The following PPP1CC variants were observed in gnomAD, a reference collection of about 807,000 sequenced individuals.
PPP1CC encodes the protein serine/threonine-protein phosphatase PP1-gamma catalytic subunit.
PPP1CC carries 16 observed loss-of-function variants against 38.4 expected under a neutral mutation model. The ratio of observed to expected loss-of-function variants is 0.42; its 90% CI spans 0.28 to 0.63. The LOEUF is 0.63. Among genes scored for constraint, PPP1CC ranks in the 30% least tolerant of loss-of-function variants. The pLI is 0.25. For missense variants in PPP1CC, 170 were observed against 391.3 expected (o/e 0.43, Z 4.77); for synonymous variants, 158 against 136.0 (o/e 1.16, Z -1.13).
intron 1 of PPP1CC, chr12:110,732,414 GAAAGAAAAGA>G (rs145858552): frequency 1.9e-5 from 3 of 155,808 alleles, no homozygotes; most frequent in South Asian, 2.1e-4. Flanking sequence ...AAAAGAAAAG[GAAAGAAAAGA>G]AAAGAAAAGA....
chr12:110,720,201 G>T lies in PPP1CC; in HGVS notation c.*875C>A. On this transcript the variant is annotated 3_prime_UTR_variant, in exon 7 of 7. Transcript: ENST00000335007. Reference sequence around the variant, plus strand: ...CTGAATGGACGGGTTCAGGCCTGATGCAACTGTAAAAAGATTACTTAATGA... The same window carrying T: ...CTGAATGGACGGGTTCAGGCCTGATTCAACTGTAAAAAGATTACTTAATGA... 6.5e-7 allele frequency: 1 copy of T among 1,549,222 alleles called. No homozygotes were observed. Among genetic ancestry groups the T allele is most frequent in the Non-Finnish European group, 8.7e-7 (1 of 1,152,672 alleles).
chr12:110,719,710 G>A lies in PPP1CC; in HGVS notation c.*1366C>T, dbSNP rs1050993102. ...ACCTCATCACTCTATTACACAAATA[G>A]ATGTCTCCAGGTTACAACTCAAAGA... is the stretch of plus-strand genomic sequence containing the variant. On this transcript the variant is annotated 3_prime_UTR_variant, in exon 7 of 7. Transcript: ENST00000335007. The A allele has an allele frequency of 6.3e-6, 1 of 158,480 alleles. No individual in the cohort carries two copies. Among genetic ancestry groups the A allele is most frequent in the African/African-American group, 2.4e-5 (1 of 41,564 alleles). 9.8% of individuals were successfully genotyped at this position (158,480 alleles called of 1,614,324 possible). A position where few individuals can be genotyped will look rare whatever the true frequency, so the allele number is the denominator to read the frequency against.
intron 1 of PPP1CC, among the ~76,000 whole-genome samples, chr12:110,736,579 T>C (rs1484999931): frequency 6.6e-6 from 1 of 152,006 alleles, no homozygotes; most frequent in East Asian, 1.9e-4. Flanking sequence ...GGGAGACAGA[T>C]GCTGCATTGA....
intron 1 of PPP1CC, among the ~76,000 whole-genome samples, chr12:110,735,573 G>A (rs1242541857): frequency 6.6e-6 from 1 of 152,064 alleles, no homozygotes; most frequent in African/African-American, 2.4e-5. Context: ...CCTGAGGTTA[G>A]GAGTTCGAGA....
At chr12:110,742,315 T>C (rs1421264922) in intron 1 of PPP1CC, among the ~76,000 whole-genome samples, 1 of 151,420 alleles carries the variant, frequency 6.6e-6, no homozygotes, top group Non-Finnish European at 1.5e-5. Flanking sequence ...TCCCCAACCA[T>C]CGCTCCAAAG....
chr12:110,741,929 C>T (rs532338064), intron 1 of PPP1CC, among the ~76,000 whole-genome samples: 1 of 152,140 alleles, frequency 6.6e-6, no homozygotes, highest in Non-Finnish European at 1.5e-5. Context: ...AATTCATGGA[C>T]GCAAAGTGCT....
In PPP1CC at chr12:110,722,771, T is replaced by C; in HGVS notation, c.524-76A>G. The stretch of plus-strand genomic sequence containing the variant: ...ATACTACCCCTTCAAAAGTTCCATT[T>C]GTCTACAGAGAAATTCAATAATCCT... On this transcript the variant is annotated intron_variant, in intron 4 of 6. Transcript: ENST00000335007. The surrounding 1 kb of genome is among the most constrained non-coding windows in gnomAD (Gnocchi z 5.4). 2 of 1,072,518 alleles carry C rather than the reference T, an allele frequency of 1.9e-6. No individual in the cohort carries two copies. Among genetic ancestry groups the C allele is most frequent in the East Asian group, 5.1e-5 (2 of 39,518 alleles). 66.4% of individuals were successfully genotyped at this position (1,072,518 alleles called of 1,614,324 possible).
At position 110,720,861 on chromosome 12, in the gene PPP1CC, G is replaced by T. The variant is rs190349752; in HGVS notation, c.*215C>A. Reference sequence around the variant, plus strand: ...TAAAATTGTTTGCAAAAGGAACAGAGAATTAAAAAACAAAACACTTTTCTT... The same window carrying T: ...TAAAATTGTTTGCAAAAGGAACAGATAATTAAAAAACAAAACACTTTTCTT... On this transcript the variant is annotated 3_prime_UTR_variant, in exon 7 of 7. Coordinates refer to ENST00000335007, the MANE Select transcript of PPP1CC (RefSeq NM_002710.4). The T allele has an allele frequency of 1.5e-4, 67 of 441,486 alleles. No homozygotes were observed. The highest frequency in any genetic ancestry group is 1.6e-4 in the African/African-American group (8 of 50,288). The allele number at this position is 441,486 out of a possible 1,614,324, so 27.3% of individuals were successfully genotyped here.
At chr12:110,739,620 A>G (rs1593587302) in intron 1 of PPP1CC, among the ~76,000 whole-genome samples, 1 of 152,236 alleles carries the variant, frequency 6.6e-6, no homozygotes, top group Non-Finnish European at 1.5e-5. Flanking sequence ...GGCAGAGATC[A>G]TATTTAAATC....
intron 3 of PPP1CC, among the ~76,000 whole-genome samples, chr12:110,728,408 A>ACAAAAAAC (rs200417103): frequency 4.4e-4 from 66 of 148,556 alleles, no homozygotes; most frequent in Middle Eastern, 3.5e-3. Context: ...AAAAAAAAAA[A>ACAAAAAAC]AAAAAACAAA....
In PPP1CC at chr12:110,720,401, C is replaced by A; in HGVS notation, c.*675G>T. ...CTTAGGGGTGTGTCAAAACATAATT[C>A]AACAGAAACTTTGGCTTTAGGAAAG... On this transcript the variant is annotated 3_prime_UTR_variant, in exon 7 of 7. Coordinates refer to ENST00000335007, the MANE Select transcript of PPP1CC (RefSeq NM_002710.4). 1 of 477,820 alleles carries A rather than the reference C, an allele frequency of 2.1e-6. No individual in the cohort carries two copies. Among genetic ancestry groups the A allele is most frequent in the Non-Finnish European group, 3.7e-6 (1 of 270,392 alleles). The allele number at this position is 477,820 out of a possible 1,614,324, so 29.6% of individuals were successfully genotyped here. A position where few individuals can be genotyped will look rare whatever the true frequency, so the allele number is the denominator to read the frequency against.
rs201383692 is a variant in PPP1CC at position 110,728,120 on chromosome 12, C to A, written c.418+2409G>T. ...AGGAATCCTTTAACTCAAGAGCAGG[C>A]CAGGCACGGTGGCTCACGCCTGTAA... is the stretch of plus-strand genomic sequence containing the variant. On this transcript the variant is annotated intron_variant, in intron 3 of 6. Coordinates refer to ENST00000335007, the MANE Select transcript of PPP1CC (RefSeq NM_002710.4). 9.2e-5 allele frequency among the ~76,000 whole-genome samples: 14 copies of A among 152,326 alleles called. No homozygotes were observed. In the East Asian group the frequency reaches 1.7e-3, roughly 19 times the overall value.
intron 6 of PPP1CC, chr12:110,721,820 AGTG>A (rs2069742352): frequency 2.5e-6 from 1 of 403,578 alleles, no homozygotes; most frequent in Admixed American, 4.0e-5. Context: ...TTCACATTCA[AGTG>A]GTGATTTAAT....
At chr12:110,710,755 G>C in the PPP1CC span, among the ~76,000 whole-genome samples, 1 of 150,740 alleles carries the variant, frequency 6.6e-6, no homozygotes, top group Non-Finnish European at 1.5e-5. Flanking sequence ...ATGCTTGCTG[G>C]GTGAGGTGGC....
chr12:110,736,957 G>A (rs1469514011), intron 1 of PPP1CC, among the ~76,000 whole-genome samples: 29 of 152,122 alleles, frequency 1.9e-4, no homozygotes, highest in Admixed American at 1.8e-3. Flanking sequence ...ATAAGCCAAC[G>A]AAGATTTTGC....
Position 110,720,382 on chromosome 12 carries a change from G to T in PPP1CC, c.*694C>A. On this transcript the variant is annotated 3_prime_UTR_variant, in exon 7 of 7. Transcript: ENST00000335007. ...ACAACCATACCACCTTGTACTTAGG[G>T]GTGTGTCAAAACATAATTCAACAGA... 3.9e-6 allele frequency: 2 copies of T among 511,614 alleles called. No individual in the cohort carries two copies. The highest frequency in any genetic ancestry group is 6.9e-6 in the Non-Finnish European group (2 of 291,476). The allele number at this position is 511,614 out of a possible 1,614,324, so 31.7% of individuals were successfully genotyped here. A position where few individuals can be genotyped will look rare whatever the true frequency, so the allele number is the denominator to read the frequency against.
chr12:110,737,495 A>G (rs1195409809), intron 1 of PPP1CC, among the ~76,000 whole-genome samples: 2 of 150,718 alleles, frequency 1.3e-5, no homozygotes, highest in Non-Finnish European at 3.0e-5. Context: ...AAAAAAAAAA[A>G]AAAAAAGAAA....
intron 3 of PPP1CC, 101 bp downstream of exon 3, chr12:110,730,428 G>T: frequency 3.2e-6 from 3 of 929,484 alleles, no homozygotes; most frequent in South Asian, 1.7e-5. Context: ...TGATACCACT[G>T]CATCTAAACT....
intron 3 of PPP1CC, chr12:110,726,742 C>T (rs112859985): frequency 4.9e-4 from 75 of 152,316 alleles, no homozygotes; most frequent in African/African-American, 1.8e-3. Context: ...TTCTGGATTT[C>T]AGATTTTTGG....
Sources: allele counts gnomAD v4.1 joint callset (sites outside exome capture counted in the v4.1 genomes callset), GRCh38; gene constraint gnomAD v4.1.1; non-coding constraint Gnocchi (gnomAD v3.1); transcripts MANE v1.5; gene names NCBI Gene and HGNC (gene_info 2026-07-23, HGNC 2026-07-21).